Variants in EHF observed in about 807,000 individuals in gnomAD.
The protein encoded by EHF is ESE3 transcription factor.
Under a neutral mutation model 45.1 loss-of-function variants are expected in EHF, and 14 were observed. The ratio of observed to expected loss-of-function variants is 0.31; its 90% CI spans 0.21 to 0.49. The LOEUF is 0.49. Among genes scored for constraint, EHF ranks in the 20% least tolerant of loss-of-function variants. The pLI, the probability that EHF is intolerant of heterozygous loss-of-function variation, is 0.99. For synonymous variants in EHF, 136 were observed against 131.8 expected, an observed-to-expected ratio of 1.03 and a Z score of -0.22; for missense variants, 282 against 371.4, an observed-to-expected ratio of 0.76 and a Z score of 1.98.
intron 1 of EHF, among the ~76,000 whole-genome samples, chr11:34,635,701 C>T (rs76318623): frequency 1.9e-4 from 24 of 124,120 alleles, no homozygotes; most frequent in East Asian, 4.6e-4. Context: ...TCTTCCTGGT[C>T]TTTTTTTTTT....
chr11:34,638,958 G>C (rs1274719022), intron 1 of EHF, among the ~76,000 whole-genome samples: 1 of 152,186 alleles, frequency 6.6e-6, no homozygotes, highest in Non-Finnish European at 1.5e-5. Flanking sequence ...GAAGGGAAAG[G>C]AAACTGATTT....
At chr11:34,649,114 G>T in intron 4 of EHF, 33 bp downstream of exon 4, 4 of 1,609,924 alleles carry the variant, frequency 2.5e-6, no homozygotes, top group Non-Finnish European at 2.5e-6. Flanking sequence ...AGCCAACCTA[G>T]CCTGGCAAAG....
intron 3 of EHF, among the ~76,000 whole-genome samples, chr11:34,647,090 C>CCG (rs1854635892): frequency 6.7e-6 from 1 of 150,146 alleles, no homozygotes; most frequent in African/African-American, 2.5e-5. Flanking sequence ...CAAAACCCCC[C>CCG]CCACACACAC....
chr11:34,647,836 G>A (rs1234356868), intron 3 of EHF, among the ~76,000 whole-genome samples: 1 of 152,112 alleles, frequency 6.6e-6, no homozygotes, highest in Non-Finnish European at 1.5e-5. Context: ...TTTTTTCTTT[G>A]ACTAGAATCA....
chr11:34,622,196 A>G, intron 1 of EHF: 1 of 225,934 alleles, frequency 4.4e-6, no homozygotes, highest in Non-Finnish European at 9.0e-6. Flanking sequence ...TGAGGTGAGA[A>G]AGCGACATTT....
intron 1 of EHF, chr11:34,632,405 T>A: frequency 7.3e-7 from 1 of 1,373,596 alleles, no homozygotes; most frequent in South Asian, 1.5e-5. Flanking sequence ...AACCTGCTCC[T>A]GACCCTCCTA....
At chr11:34,633,512 T>C (rs1005819127) in intron 1 of EHF, among the ~76,000 whole-genome samples, 2 of 152,152 alleles carry the variant, frequency 1.3e-5, no homozygotes, top group South Asian at 2.1e-4. Flanking sequence ...TTTAGAGATC[T>C]GGGGTTTCAG....
At chr11:34,629,557 G>T (rs1258257858) in intron 1 of EHF, among the ~76,000 whole-genome samples, 1 of 152,208 alleles carries the variant, frequency 6.6e-6, no homozygotes, top group African/African-American at 2.4e-5. Flanking sequence ...AAGCTGCAAG[G>T]ATGCTAATGA....
At chr11:34,654,161 TGAAGTCAC>T (rs2134204998) in intron 6 of EHF, among the ~76,000 whole-genome samples, 1 of 152,376 alleles carries the variant, frequency 6.6e-6, no homozygotes, top group Non-Finnish European at 1.5e-5. Context: ...GCAGCTTAGC[TGAAGTCAC>T]GCTCTCTCAC....
chr11:34,659,274 C>A lies in EHF; in HGVS notation c.*343C>A, dbSNP rs1036242783. The A allele has an allele frequency of 5.3e-6, 1 of 189,624 alleles. No individual in the cohort carries two copies. Among genetic ancestry groups the A allele is most frequent in the South Asian group, 1.4e-4 (1 of 7,264 alleles). 11.7% of individuals were successfully genotyped at this position (189,624 alleles called of 1,614,324 possible). A position where few individuals can be genotyped will look rare whatever the true frequency, so the allele number is the denominator to read the frequency against. On this transcript the variant is annotated 3_prime_UTR_variant, in exon 9 of 9. Transcript: ENST00000257831. ...TGCTTCTTGCTAAGAGAAAGAAAAA[C>A]AAAATCAGAGGGCATTAAATGTTTT...
intron 1 of EHF, among the ~76,000 whole-genome samples, chr11:34,634,527 A>G (rs542721410): frequency 1.3e-5 from 2 of 152,166 alleles, no homozygotes; most frequent in Admixed American, 6.5e-5. Flanking sequence ...CAGGGAATGC[A>G]GGTGCAAGCC....
intron 2 of EHF, among the ~76,000 whole-genome samples, chr11:34,643,066 GTAT>G (rs1854169650): frequency 1.0e-5 from 1 of 97,994 alleles, no homozygotes; most frequent in African/African-American, 4.8e-5. Flanking sequence ...GAGAGAAAGG[GTAT>G]GTGTGTGTGT....
chr11:34,632,955 T>G (rs1244658586), intron 1 of EHF, among the ~76,000 whole-genome samples: 3 of 152,208 alleles, frequency 2.0e-5, no homozygotes, highest in Non-Finnish European at 2.9e-5. Context: ...GGTAATAGTT[T>G]CTTTCTGCTG....
At chr11:34,634,893 CAG>C (rs1853242812) in intron 1 of EHF, among the ~76,000 whole-genome samples, 1 of 152,130 alleles carries the variant, frequency 6.6e-6, no homozygotes, top group African/African-American at 2.4e-5. Flanking sequence ...CTCTTCTCAG[CAG>C]AGAGTGGCCC....
intron 2 of EHF, among the ~76,000 whole-genome samples, chr11:34,644,566 C>T (rs905047380): frequency 3.9e-5 from 6 of 152,204 alleles, no homozygotes; most frequent in Non-Finnish European, 7.3e-5. Flanking sequence ...GTATTACTAA[C>T]GGCAGTCACC....
rs1854546142 is a variant in EHF, at chr11:34,646,454, T to C, written c.113T>C (p.Phe38Ser). 3 of 1,613,982 alleles carry C rather than the reference T, an allele frequency of 1.9e-6. No individual in the cohort carries two copies. The highest frequency in any genetic ancestry group is 1.7e-5 in the Admixed American group (1 of 59,996). Residue 38 changes from phenylalanine to serine, a missense_variant, in exon 3 of 9, where the codon TTT (phenylalanine) becomes TCT (serine). Phe to Ser is a radical substitution (Grantham distance 155, BLOSUM62 -2). Transcript: ENST00000257831. Reference sequence around the variant, plus strand: ...TGTTTTGCAGTTTCCAGTGGGTTTTTTGGAGGCCAGTGGCATGAAATTCAT... The same window carrying C: ...TGTTTTGCAGTTTCCAGTGGGTTTTCTGGAGGCCAGTGGCATGAAATTCAT... ...YSTCNVSSGF[F>S]GGQWHEIHPQ...
chr11:34,641,642 G>A (rs1854007757), intron 1 of EHF, among the ~76,000 whole-genome samples: 2 of 152,134 alleles, frequency 1.3e-5, no homozygotes, highest in African/African-American at 4.8e-5. Context: ...TACAGCCTCT[G>A]GGTATTGCCC....
intron 4 of EHF, among the ~76,000 whole-genome samples, chr11:34,650,728 G>A (rs1322879419): frequency 6.6e-6 from 1 of 152,150 alleles, no homozygotes. Flanking sequence ...TGGGGGTTGC[G>A]TAGGAGTTGA....
intron 3 of EHF, 124 bp downstream of exon 3, chr11:34,646,808 T>A: frequency 7.8e-7 from 1 of 1,273,970 alleles, no homozygotes; most frequent in South Asian, 1.3e-5. Flanking sequence ...CAAATTACCA[T>A]GTCCCAAGAC....
Sources: allele counts gnomAD v4.1 joint callset (sites outside exome capture counted in the v4.1 genomes callset), GRCh38; gene constraint gnomAD v4.1.1; transcripts MANE v1.5; gene names NCBI Gene and HGNC (gene_info 2026-07-23, HGNC 2026-07-21).